Variants in MYH15 observed in about 807,000 individuals in gnomAD.
The protein encoded by MYH15 is myosin heavy chain 15.
A neutral mutation model predicts 240.5 loss-of-function variants in MYH15; 227 were observed. That is an observed-to-expected ratio of 0.94 (90% confidence interval 0.85 to 1.05). The LOEUF (loss-of-function observed/expected upper bound fraction) is 1.05, where lower values mean the gene tolerates loss of function less well. Ranked by LOEUF, MYH15 falls within the 50% of genes least tolerant of loss-of-function variation. MYH15 has a pLI of 0.00. For synonymous variants in MYH15, 785 were observed against 796.7 expected, an observed-to-expected ratio of 0.99 and a Z score of 0.25; for missense variants, 2,217 against 2,247.5, an observed-to-expected ratio of 0.99 and a Z score of 0.27.
chr3:108,397,471 A>G (rs970750578), intron 35 of MYH15, among the ~76,000 whole-genome samples: 1 of 152,136 alleles, frequency 6.6e-6, no homozygotes, highest in Admixed American at 6.5e-5. Context: ...TGTGCTTGCT[A>G]TATCATTATA....
chr3:108,487,395 T>A (rs1431663992), intron 9 of MYH15, among the ~76,000 whole-genome samples: 1 of 152,222 alleles, frequency 6.6e-6, no homozygotes, highest in Non-Finnish European at 1.5e-5. Context: ...TGCAGTTGAA[T>A]GGGTTAACAA....
chr3:108,393,347 C>A (rs893093540), intron 36 of MYH15, among the ~76,000 whole-genome samples: 21 of 152,176 alleles, frequency 1.4e-4, no homozygotes, highest in Non-Finnish European at 2.2e-4. Context: ...ACACAAACCT[C>A]CCCCTCCACT....
chr3:108,430,507 T>C (rs2082769769), intron 26 of MYH15, among the ~76,000 whole-genome samples: 1 of 152,242 alleles, frequency 6.6e-6, no homozygotes, highest in Non-Finnish European at 1.5e-5. Flanking sequence ...TACTTAAATA[T>C]ATTGTTGCAT....
chr3:108,386,782 T>C (rs1316736818), intron 38 of MYH15, among the ~76,000 whole-genome samples: 1 of 152,034 alleles, frequency 6.6e-6, no homozygotes, highest in Non-Finnish European at 1.5e-5. Context: ...CTTAACCAAA[T>C]TGTATTTCCT....
chr3:108,444,516 TA>T, intron 22 of MYH15, 123 bp downstream of exon 22: 1 of 1,129,938 alleles, frequency 8.9e-7, no homozygotes, highest in Non-Finnish European at 1.3e-6. Flanking sequence ...TTTGGTTTTA[TA>T]AAATCCTTTG....
intron 33 of MYH15, among the ~76,000 whole-genome samples, chr3:108,403,868 GCT>G (rs1198803414): frequency 6.6e-6 from 1 of 151,794 alleles, no homozygotes; most frequent in Non-Finnish European, 1.5e-5. Context: ...TTGGTGAACT[GCT>G]CTACGACATT....
At chr3:108,409,252 T>C (rs2082570178) in intron 31 of MYH15, among the ~76,000 whole-genome samples, 1 of 152,204 alleles carries the variant, frequency 6.6e-6, no homozygotes, top group South Asian at 2.1e-4. Flanking sequence ...AGAAGTGCTC[T>C]CCTAAAGATG....
rs1230123439 is a variant in MYH15, at chr3:108,499,561, T to C, written c.497-79A>G. The C allele has an allele frequency of 9.4e-6, 13 of 1,385,742 alleles. No homozygotes were observed. The African/African-American group carries it at 1.2e-4, about 12-fold the overall frequency. The allele number at this position is 1,385,742 out of a possible 1,614,324, so 85.8% of individuals were successfully genotyped here. A position where few individuals can be genotyped will look rare whatever the true frequency, so the allele number is the denominator to read the frequency against. Reference sequence around the variant, plus strand: ...AGTATGAACTTACTCAAAATTTCCCTAGCTACAATTTGAAATCAGACACAA... The same window carrying C: ...AGTATGAACTTACTCAAAATTTCCCCAGCTACAATTTGAAATCAGACACAA... On this transcript the variant is annotated intron_variant, in intron 4 of 40. Coordinates refer to ENST00000693548, the MANE Select transcript of MYH15 (RefSeq NM_014981.3).
At chr3:108,540,922 T>C in the MYH15 span, among the ~76,000 whole-genome samples, 1 of 152,132 alleles carries the variant, frequency 6.6e-6, no homozygotes, top group Non-Finnish European at 1.5e-5. Context: ...GGGTACAAAA[T>C]ATGTATATTC....
At chr3:108,475,469 T>C (rs1349305352) in intron 12 of MYH15, among the ~76,000 whole-genome samples, 2 of 152,194 alleles carry the variant, frequency 1.3e-5, no homozygotes, top group African/African-American at 4.8e-5. Flanking sequence ...TTTTACTAAT[T>C]CTTACCAATG....
At chr3:108,475,514 A>G (rs577250289) in intron 12 of MYH15, among the ~76,000 whole-genome samples, 4 of 152,290 alleles carry the variant, frequency 2.6e-5, no homozygotes, top group African/African-American at 9.6e-5. Flanking sequence ...TTCTAGCCCA[A>G]GCAGTTAAAG....
chr3:108,461,194 C>T (rs879800008), intron 16 of MYH15, among the ~76,000 whole-genome samples: 1 of 152,078 alleles, frequency 6.6e-6, no homozygotes, highest in South Asian at 2.1e-4. Flanking sequence ...ATATTCTCTG[C>T]GCCTGAGTAG....
chr3:108,503,253 C>T (rs1408509836), intron 2 of MYH15, among the ~76,000 whole-genome samples: 1 of 152,122 alleles, frequency 6.6e-6, no homozygotes, highest in East Asian at 1.9e-4. Context: ...CACAAATCAC[C>T]TTAAGTGCTG....
chr3:108,426,861 A>T (rs939645633), intron 27 of MYH15, among the ~76,000 whole-genome samples: 1 of 152,230 alleles, frequency 6.6e-6, no homozygotes, highest in Admixed American at 6.5e-5. Flanking sequence ...ACTCCACCCC[A>T]GTATGTCCAG....
At chr3:108,439,538 C>A (rs2082868283) in intron 24 of MYH15, among the ~76,000 whole-genome samples, 199 bp downstream of exon 24, 1 of 152,206 alleles carries the variant, frequency 6.6e-6, no homozygotes. Context: ...TAAAAACCGA[C>A]AGATTATATG....
chr3:108,486,190 G>T (rs1560418934), intron 10 of MYH15, among the ~76,000 whole-genome samples: 1 of 152,154 alleles, frequency 6.6e-6, no homozygotes, highest in Non-Finnish European at 1.5e-5. Context: ...CCAAATAAAA[G>T]AGATGTTTGC....
intron 1 of MYH15, among the ~76,000 whole-genome samples, chr3:108,522,620 T>G (rs986295203): frequency 2.0e-5 from 3 of 152,128 alleles, no homozygotes; most frequent in African/African-American, 7.2e-5. Context: ...CAACCACAAG[T>G]TGTTCTGCTT....
chr3:108,486,632 T>C (rs2083308383), intron 9 of MYH15, 106 bp from the exon 10 acceptor site: 1 of 619,454 alleles, frequency 1.6e-6, no homozygotes, highest in South Asian at 3.2e-5. Flanking sequence ...ATCATACTTG[T>C]AAACAAGCCA....
chr3:108,482,180 C>A lies in MYH15; in HGVS notation c.1114+2911G>T, dbSNP rs554233393. 1.8e-3 allele frequency among the ~76,000 whole-genome samples: 275 copies of A among 151,966 alleles called. 1 individual carries two copies. The highest frequency in any genetic ancestry group is 3.1e-3 in the Non-Finnish European group (214 of 67,962). ...GATGATTCTGAGATTTGAGTCAGGG[C>A]AATTGGGAGAACCTAGGTGGCATTT... On this transcript the variant is annotated intron_variant, in intron 11 of 40. Coordinates refer to ENST00000693548, the MANE Select transcript of MYH15 (RefSeq NM_014981.3).
Sources: gnomAD v4.1 joint callset for allele counts (sites outside exome capture counted in the v4.1 genomes callset) on GRCh38, gnomAD v4.1.1 for gene constraint, MANE v1.5 for transcripts, NCBI Gene and HGNC (gene_info 2026-07-23, HGNC 2026-07-21) for gene names.